PICALM: variants seen among roughly 807,000 people sequenced by gnomAD.
The protein encoded by PICALM is phosphatidylinositol-binding clathrin assembly protein.
PICALM carries 40 observed loss-of-function variants against 80.5 expected under a neutral mutation model. The ratio of observed to expected loss-of-function variants is 0.50; its 90% CI spans 0.39 to 0.65. The LOEUF is 0.65. PICALM is among the 30% of genes least tolerant of loss of function. PICALM has a pLI of 0.00. For missense variants in PICALM, 676 were observed against 778.9 expected (o/e 0.87, Z 1.57); for synonymous variants, 288 against 260.3 (o/e 1.11, Z -1.02).
intron 13 of PICALM, among the ~76,000 whole-genome samples, chr11:85,989,887 T>C (rs1456180619): frequency 3.3e-5 from 5 of 151,708 alleles, no homozygotes; most frequent in African/African-American, 1.2e-4. Context: ...TATAATCACA[T>C]ATAAACATGT....
In PICALM at chr11:86,068,755, C is replaced by T; in HGVS notation, c.26G>A (p.Arg9Gln). The T allele has an allele frequency of 6.2e-7, 1 of 1,611,498 alleles. No individual in the cohort carries two copies. The change falls in exon 1 of 20, where the codon CGA becomes CAA. Residue 9 changes from arginine (R) to glutamine (Q), a missense_variant. By Grantham distance (43) the Arg-to-Gln change is conservative. This residue lies in a region of PICALM where 285 missense variants were observed against 395.4 expected (regional missense o/e 0.72). Coordinates refer to ENST00000393346, the MANE Select transcript of PICALM (RefSeq NM_007166.4). ...GACACTGTGCTGGGCGGCAGTGATT[C>T]GGTCCGTCAGGCTCTGGCCGGACAT... is the stretch of plus-strand genomic sequence containing the variant. MSGQSLTD[R>Q]ITAAQHSVTG...
At position 85,964,358 on chromosome 11, in the gene PICALM, C is replaced by G. The variant is rs181667888; in HGVS notation, c.1945-5298G>C. ...ATTCTGTCTCATTGGCAAAATCAAC[C>G]TCTTAAGAGAAAAATGGATTGTACT... On this transcript the variant is annotated intron_variant, in intron 19 of 19. Transcript: ENST00000393346. Among the ~76,000 whole-genome samples the G allele has an allele frequency of 3.9e-5, 6 of 152,252 alleles. No individual in the cohort carries two copies. The East Asian group carries it at 1.2e-3, about 29-fold the overall frequency.
Position 86,068,824 on chromosome 11 carries a change from G to C in PICALM, c.-44C>G, listed in dbSNP as rs1341598079. On this transcript the variant is annotated 5_prime_UTR_variant, in exon 1 of 20. Transcript: ENST00000393346. ...ACCCCACCCGCTCAGCAGCCGGCGG[G>C]GACTGGGACCCCCAAGAGCCGGAGG... The C allele has an allele frequency of 6.4e-7, 1 of 1,556,966 alleles. No individual in the cohort carries two copies. The highest frequency in any genetic ancestry group is 8.7e-7 in the Non-Finnish European group (1 of 1,155,736).
intron 4 of PICALM, among the ~76,000 whole-genome samples, chr11:86,018,402 T>C (rs1276096621): frequency 6.6e-6 from 1 of 152,180 alleles, no homozygotes; most frequent in Admixed American, 6.5e-5. Context: ...TAAAGGATAA[T>C]TTGGTGTTTT....
At chr11:86,036,639 C>G (rs1473049822) in intron 1 of PICALM, among the ~76,000 whole-genome samples, 1 of 152,016 alleles carries the variant, frequency 6.6e-6, no homozygotes, top group Non-Finnish European at 1.5e-5. Context: ...GTGGACATAT[C>G]CAAGAGTGAA....
chr11:86,036,468 C>T (rs570043381), intron 1 of PICALM, among the ~76,000 whole-genome samples: 1 of 152,226 alleles, frequency 6.6e-6, no homozygotes, highest in African/African-American at 2.4e-5. Flanking sequence ...CTGACTTACA[C>T]CTTAAGAAAT....
chr11:86,055,814 T>A (rs1162178968), intron 1 of PICALM, among the ~76,000 whole-genome samples: 4 of 152,188 alleles, frequency 2.6e-5, no homozygotes, highest in East Asian at 3.8e-4. Flanking sequence ...AATGATTTCT[T>A]AGATATATCG....
chr11:86,066,219 C>CA (rs2096445959), intron 1 of PICALM, among the ~76,000 whole-genome samples: 1 of 152,152 alleles, frequency 6.6e-6, no homozygotes, highest in African/African-American at 2.4e-5. Flanking sequence ...TTTAGTAAAC[C>CA]ACTCACTGGT....
chr11:85,961,186 C>A (rs1295024395), intron 19 of PICALM, among the ~76,000 whole-genome samples: 4 of 152,166 alleles, frequency 2.6e-5, no homozygotes, highest in Non-Finnish European at 5.9e-5. Context: ...CAAAGCTGTG[C>A]AACTCTGACC....
intron 4 of PICALM, among the ~76,000 whole-genome samples, chr11:86,017,060 A>G (rs1263581074): frequency 6.6e-6 from 1 of 151,930 alleles, no homozygotes; most frequent in Non-Finnish European, 1.5e-5. Context: ...CATCTCTACT[A>G]AAAAATACAA....
At chr11:86,040,530 T>C (rs1192961181) in intron 1 of PICALM, among the ~76,000 whole-genome samples, 1 of 152,132 alleles carries the variant, frequency 6.6e-6, no homozygotes, top group Non-Finnish European at 1.5e-5. Context: ...TAATCTTTCA[T>C]ATGTATTCTA....
At chr11:86,064,028 G>T (rs1306959267) in intron 1 of PICALM, among the ~76,000 whole-genome samples, 1 of 152,078 alleles carries the variant, frequency 6.6e-6, no homozygotes, top group African/African-American at 2.4e-5. Flanking sequence ...GCACCCATAA[G>T]ATATTATTAA....
At chr11:85,996,415 A>T (rs1375851412) in intron 12 of PICALM, among the ~76,000 whole-genome samples, 1 of 152,068 alleles carries the variant, frequency 6.6e-6, no homozygotes, top group Non-Finnish European at 1.5e-5. Context: ...ATACCATCTG[A>T]GTTTTATTAG....
chr11:86,006,910 AT>A (rs992158419), intron 8 of PICALM, among the ~76,000 whole-genome samples: 322 of 148,820 alleles, frequency 2.2e-3, no homozygotes, highest in African/African-American at 6.4e-3. Flanking sequence ...TAATGCTCTA[AT>A]TTTTTTTTTT....
At chr11:86,051,587 G>A (rs2096188635) in intron 1 of PICALM, among the ~76,000 whole-genome samples, 1 of 152,120 alleles carries the variant, frequency 6.6e-6, no homozygotes, top group Admixed American at 6.5e-5. Flanking sequence ...CTTGAACCTG[G>A]GAGGCAGAGG....
At chr11:85,981,644 C>T (rs2135711657) in intron 16 of PICALM, 101 bp downstream of exon 16, 2 of 801,848 alleles carry the variant, frequency 2.5e-6, no homozygotes, top group Non-Finnish European at 4.2e-6. Flanking sequence ...GATATCTCTA[C>T]ACATATTTTT....
chr11:86,065,889 T>C (rs530467718), intron 1 of PICALM, among the ~76,000 whole-genome samples: 1 of 152,264 alleles, frequency 6.6e-6, no homozygotes, highest in South Asian at 2.1e-4. Context: ...GGCGAGAAAC[T>C]GACAGAAACC....
intron 19 of PICALM, among the ~76,000 whole-genome samples, chr11:85,959,930 AAAG>A (rs1340805244): frequency 6.6e-6 from 1 of 152,180 alleles, no homozygotes; most frequent in East Asian, 1.9e-4. Flanking sequence ...GGAGGAAAAG[AAAG>A]AAGATCAATG....
intron 8 of PICALM, 109 bp from the exon 9 acceptor site, chr11:86,003,560 T>G: frequency 1.9e-6 from 1 of 539,810 alleles, no homozygotes. Flanking sequence ...ATGTTCTTCA[T>G]GTACTAATTA....
Sources: allele counts gnomAD v4.1 joint callset (sites outside exome capture counted in the v4.1 genomes callset), GRCh38; gene constraint gnomAD v4.1.1; regional missense constraint gnomAD v4.1.1; transcripts MANE v1.5; gene names NCBI Gene and HGNC (gene_info 2026-07-23, HGNC 2026-07-21).